Variants in GAK observed in about 807,000 individuals in gnomAD.
GAK encodes cyclin-G-associated kinase.
GAK carries 79 observed loss-of-function variants against 143.9 expected under a neutral mutation model. That is an observed-to-expected ratio of 0.55 (90% CI 0.46 to 0.66). GAK has a LOEUF of 0.66. Ranked by LOEUF, GAK falls within the 30% of genes least tolerant of loss-of-function variation. GAK has a pLI of 0.00. For synonymous variants in GAK, 881 were observed against 765.5 expected (o/e 1.15, Z -2.49); for missense variants, 1,693 against 1,779.7 (o/e 0.95, Z 0.88).
At chr4:850,168 C>T (rs1010641092) in intron 26 of GAK, 100 bp from the exon 27 acceptor site, 15 of 1,235,700 alleles carry the variant, frequency 1.2e-5, no homozygotes, top group African/African-American at 1.1e-4. Flanking sequence ...TGCCTGGTCA[C>T]GTGGGGTGGG....
chr4:883,551 C>G (rs542120943), intron 12 of GAK, 88 bp from the exon 13 acceptor site: 20 of 1,476,238 alleles, frequency 1.4e-5, no homozygotes, highest in Admixed American at 8.8e-5. Context: ...CTGACGCCCC[C>G]GGGCAAGCGC....
rs1188621259 is a variant in GAK at position 849,768 on chromosome 4, C to G, written c.3841G>C (p.Gly1281Arg). The G allele has an allele frequency of 1.9e-6, 3 of 1,612,116 alleles. No individual in the cohort carries two copies. The highest frequency in any genetic ancestry group is 2.5e-6 in the Non-Finnish European group (3 of 1,178,828). The change falls in exon 28 of 28, where the codon GGG (glycine) becomes CGG (arginine). Residue 1281 changes from glycine (G) to arginine (R), a missense_variant. Physicochemically the swap from Gly to Arg is moderately radical, Grantham distance 125. Around this residue, in one of 2 missense-constraint regions of GAK, gnomAD observed 822 missense variants for 788.7 expected, o/e 1.04. Coordinates refer to ENST00000314167, the MANE Select transcript of GAK (RefSeq NM_005255.4). ...TTGGCGTGCTGCTCGTACGGCTGCC[C>G]CGCAGCCTATGGGTGACAGGCGGTG... is the stretch of plus-strand genomic sequence containing the variant. ...VLAVHPDKAAGQPYEQHAKMI... is the reference protein window; with the variant it reads ...VLAVHPDKAARQPYEQHAKMI...
intron 1 of GAK, among the ~76,000 whole-genome samples, chr4:914,567 C>CAA (rs1577297815): frequency 5.5e-5 from 5 of 90,828 alleles, no homozygotes; most frequent in African/African-American, 8.7e-5. Context: ...GCACGGCCCC[C>CAA]CACACACAGC....
At chr4:902,892 C>G (rs1391561014) in intron 5 of GAK, among the ~76,000 whole-genome samples, 1 of 152,178 alleles carries the variant, frequency 6.6e-6, no homozygotes, top group East Asian at 1.9e-4. Flanking sequence ...AGGAAGTTTA[C>G]TGAAGAGCAA....
At chr4:884,390 C>T (rs1014015348) in intron 11 of GAK, 25 of 378,306 alleles carry the variant, frequency 6.6e-5, no homozygotes, top group African/African-American at 2.5e-4. Context: ...CAGGGAGGCA[C>T]GGCCCAGGAG....
At chr4:880,363 A>G (rs1714847535) in intron 15 of GAK, among the ~76,000 whole-genome samples, 1 of 152,218 alleles carries the variant, frequency 6.6e-6, no homozygotes, top group South Asian at 2.1e-4. Context: ...TCCTCAGCAC[A>G]TCAATTAGTT....
At chr4:910,776 GT>G (rs1258983621) in intron 4 of GAK, among the ~76,000 whole-genome samples, 10 of 151,592 alleles carry the variant, frequency 6.6e-5, no homozygotes, top group African/African-American at 2.2e-4. Flanking sequence ...GGGGTCACTA[GT>G]GTCACCACCC....
intron 8 of GAK, 113 bp from the exon 9 acceptor site, chr4:893,602 G>A: frequency 1.3e-6 from 1 of 761,718 alleles, no homozygotes; most frequent in Non-Finnish European, 2.0e-6. Context: ...ACACATCAGT[G>A]ACGTCAGAAG....
chr4:895,742 T>C (rs924303636), intron 7 of GAK, among the ~76,000 whole-genome samples: 6 of 152,120 alleles, frequency 3.9e-5, no homozygotes, highest in Non-Finnish European at 7.4e-5. Context: ...CTTGGAGAGA[T>C]GCAGGGATGA....
chr4:911,689 G>C lies in GAK; in HGVS notation c.366C>G (p.Leu122=), dbSNP rs1560422217. 1.2e-6 allele frequency: 2 copies of C among 1,613,448 alleles called. No individual in the cohort carries two copies. Among genetic ancestry groups the C allele is most frequent in the Admixed American group, 1.7e-5 (1 of 60,020 alleles). The change falls in exon 4 of 28, where the codon CTC becomes CTG. Residue 122 remains leucine (L), a synonymous_variant. Transcript: ENST00000314167. ...GGACGTTACCTTTACAGAGCTCTGT[G>C]AGCAAGAGGAACTCAGCCTGCCCCG... is the stretch of plus-strand genomic sequence containing the variant. ...SDTGQAEFLL[L]TELCKGQLVE...
In GAK at chr4:893,978, A is replaced by G. The variant is rs781013184; in HGVS notation, c.773T>C (p.Phe258Ser). 1.2e-6 allele frequency: 2 copies of G among 1,611,850 alleles called. No homozygotes were observed. The highest frequency in any genetic ancestry group is 1.7e-6 in the Non-Finnish European group (2 of 1,179,306). ...ALGCILYLLC[F>S]RQHPFEDGAK... ...TCCATCCTCAAAAGGGTGCTGCCGG[A>G]AGCACAGCAGGTACAAGATGCAGCC... Residue 258 changes from phenylalanine to serine, a missense_variant, in exon 8 of 28, where the codon TTC becomes TCC. Phe to Ser is a radical substitution (Grantham distance 155). Around this residue, in one of 2 missense-constraint regions of GAK, gnomAD observed 871 missense variants for 991.0 expected, o/e 0.88. Coordinates refer to ENST00000314167, the MANE Select transcript of GAK (RefSeq NM_005255.4).
intron 4 of GAK, among the ~76,000 whole-genome samples, chr4:905,766 G>A (rs1243571950): frequency 6.6e-6 from 1 of 152,122 alleles, no homozygotes; most frequent in African/African-American, 2.4e-5. Flanking sequence ...TACTGCAGAC[G>A]CCACCACACC....
rs575264924 is a variant in GAK at position 866,212 on chromosome 4, C to T, written c.3043+152G>A. ...AGTCTGTCCTGACCTCTGGGACGTC[C>T]TGCAGGATGCTTGGGCCGCAAGGAG... On this transcript the variant is annotated intron_variant, in intron 22 of 27. Coordinates refer to ENST00000314167, the MANE Select transcript of GAK (RefSeq NM_005255.4). 54 of 739,634 alleles carry T rather than the reference C, an allele frequency of 7.3e-5. 2 individuals are homozygous for T. The South Asian group carries it at 9.5e-4, about 13-fold the overall frequency. The allele number at this position is 739,634 out of a possible 1,614,324, so 45.8% of individuals were successfully genotyped here.
At chr4:899,593 G>C (rs551831843) in intron 5 of GAK, among the ~76,000 whole-genome samples, 2 of 86,854 alleles carry the variant, frequency 2.3e-5, no homozygotes, top group Non-Finnish European at 5.3e-5. Flanking sequence ...CAGCCTCATC[G>C]ACAGGAGAAA....
intron 5 of GAK, among the ~76,000 whole-genome samples, chr4:901,309 A>G (rs1174299637): frequency 6.6e-6 from 1 of 151,996 alleles, no homozygotes; most frequent in Non-Finnish European, 1.5e-5. Flanking sequence ...CCCAGGGCAC[A>G]CGGGGAGAGC....
intron 24 of GAK, chr4:853,767 T>C (rs2152687189): frequency 6.6e-6 from 1 of 152,386 alleles, no homozygotes; most frequent in African/African-American, 2.4e-5. Context: ...CGGATGTCAA[T>C]GTGCTGGAGG....
intron 1 of GAK, among the ~76,000 whole-genome samples, chr4:924,582 T>C (rs1034874213): frequency 1.3e-5 from 2 of 152,148 alleles, no homozygotes; most frequent in Non-Finnish European, 2.9e-5. Flanking sequence ...TTTGGATCTT[T>C]ATTCATAACA....
At chr4:893,731 C>G (rs1022034408) in intron 8 of GAK, 143 bp downstream of exon 8, 2 of 1,057,842 alleles carry the variant, frequency 1.9e-6, no homozygotes, top group Non-Finnish European at 2.6e-6. Flanking sequence ...GGAAACCCCC[C>G]CCCCAGGGAT....
At chr4:924,728 G>A (rs1361956117) in intron 1 of GAK, among the ~76,000 whole-genome samples, 7 of 152,194 alleles carry the variant, frequency 4.6e-5, no homozygotes, top group Non-Finnish European at 1.0e-4. Context: ...TCTCAGGATA[G>A]TGAGATCTGA....
Sources: allele counts gnomAD v4.1 joint callset (sites outside exome capture counted in the v4.1 genomes callset), GRCh38; gene constraint gnomAD v4.1.1; regional missense constraint gnomAD v4.1.1; transcripts MANE v1.5; gene names NCBI Gene and HGNC (gene_info 2026-07-23, HGNC 2026-07-21).